The following CNTN5 variants were observed in gnomAD, a reference collection of about 807,000 sequenced individuals.
CNTN5 encodes contactin 5.
CNTN5 carries 77 observed loss-of-function variants against 129.1 expected under a neutral mutation model. The ratio of observed to expected loss-of-function variants is 0.60; its 90% CI spans 0.50 to 0.72. The LOEUF (loss-of-function observed/expected upper bound fraction) is 0.72, where lower values mean the gene tolerates loss of function less well. CNTN5 is among the 30% of genes least tolerant of loss of function. The pLI is 0.00. For synonymous variants in CNTN5, 509 were observed against 465.6 expected, an observed-to-expected ratio of 1.09 and a Z score of -1.20; for missense variants, 1,478 against 1,328.8, an observed-to-expected ratio of 1.11 and a Z score of -1.75.
In CNTN5 at chr11:99,133,881, A is replaced by G. The variant is rs186196563; in HGVS notation, c.-210+112611A>G. ...TCAAATATTTAGAACTGGAAATACC[A>G]TTTGACCCAGCAATCCCATTAGTGG... is the stretch of plus-strand genomic sequence containing the variant. On this transcript the variant is annotated intron_variant, in intron 1 of 24. Transcript: ENST00000524871. Among the ~76,000 whole-genome samples, 1,286 of 152,308 alleles carry G rather than the reference A, an allele frequency of 8.4e-3. 22 individuals are homozygous for G. Among genetic ancestry groups the G allele is most frequent in the African/African-American group, 0.029 (1,194 of 41,568 alleles).
intron 18 of CNTN5, among the ~76,000 whole-genome samples, chr11:100,273,652 C>T (rs533854055): frequency 1.3e-5 from 2 of 152,290 alleles, no homozygotes; most frequent in South Asian, 2.1e-4. Flanking sequence ...TCATCAGGCA[C>T]CCGCTACCAC....
chr11:99,381,207 A>G (rs1940538366), intron 2 of CNTN5, among the ~76,000 whole-genome samples: 2 of 152,192 alleles, frequency 1.3e-5, no homozygotes, highest in African/African-American at 2.4e-5. Flanking sequence ...AAGTGCTACA[A>G]TATAAAATTC....
At position 100,356,172 on chromosome 11, in the gene CNTN5, A is replaced by G. The variant is rs1348858064; in HGVS notation, c.3255A>G (p.Ser1085=). The G allele has an allele frequency of 3.1e-6, 5 of 1,610,786 alleles. No individual in the cohort carries two copies. The highest frequency in any genetic ancestry group is 1.7e-4 in the Middle Eastern group (1 of 6,050). Residue 1085 remains serine (S), a synonymous_variant, in exon 25 of 25, where the codon TCA becomes TCG. Coordinates refer to ENST00000524871, the MANE Select transcript of CNTN5 (RefSeq NM_014361.4). ...TTCACTCTCTCTCCACATCTTCGTC[A>G]TCAGTCACCTTGCTCTTGGCATTGA... The part of the protein sequence containing the change: ...STLHSLSTSS[S]SVTLLLALMI...
At chr11:99,511,448 G>C in intron 2 of CNTN5, among the ~76,000 whole-genome samples, 1 of 151,886 alleles carries the variant, frequency 6.6e-6, no homozygotes. Context: ...TTGCTGAGGA[G>C]AGCTTTACTT....
At chr11:100,161,414 T>G (rs1375136046) in intron 13 of CNTN5, among the ~76,000 whole-genome samples, 1 of 151,962 alleles carries the variant, frequency 6.6e-6, no homozygotes, top group Non-Finnish European at 1.5e-5. Flanking sequence ...TCTATTAATG[T>G]TCAGTAAAAC....
intron 23 of CNTN5, among the ~76,000 whole-genome samples, chr11:100,348,002 A>G (rs1565444000): frequency 6.6e-6 from 1 of 151,970 alleles, no homozygotes; most frequent in Non-Finnish European, 1.5e-5. Context: ...CAATACCACA[A>G]TCACTTTCTA....
intron 13 of CNTN5, among the ~76,000 whole-genome samples, chr11:100,108,927 G>A (rs548966035): frequency 1.3e-5 from 2 of 152,062 alleles, no homozygotes; most frequent in East Asian, 1.9e-4. Flanking sequence ...TAAAATTATC[G>A]TCTTGAGAGC....
intron 1 of CNTN5, among the ~76,000 whole-genome samples, chr11:99,077,276 C>T (rs1476176404): frequency 6.9e-6 from 1 of 145,980 alleles, no homozygotes; most frequent in African/African-American, 2.6e-5. Context: ...GGAGCAACAA[C>T]ATCAACAACA....
chr11:99,367,917 C>G (rs752742907), intron 2 of CNTN5, among the ~76,000 whole-genome samples: 1 of 152,110 alleles, frequency 6.6e-6, no homozygotes, highest in Non-Finnish European at 1.5e-5. Context: ...AAATAATGGA[C>G]TTGGCTTTTT....
At chr11:99,930,531 G>T (rs765392916) in intron 7 of CNTN5, among the ~76,000 whole-genome samples, 3 of 152,092 alleles carry the variant, frequency 2.0e-5, no homozygotes, top group African/African-American at 7.2e-5. Context: ...CCTGACAGTT[G>T]CCTGATATTC....
intron 9 of CNTN5, among the ~76,000 whole-genome samples, chr11:100,053,931 TAC>T (rs2137759064): frequency 6.6e-6 from 1 of 151,842 alleles, no homozygotes; most frequent in Non-Finnish European, 1.5e-5. Context: ...TTATAAATCT[TAC>T]ACAGAGAGAC....
chr11:99,464,763 A>T (rs889737488), intron 2 of CNTN5, among the ~76,000 whole-genome samples: 3 of 152,198 alleles, frequency 2.0e-5, no homozygotes, highest in Non-Finnish European at 4.4e-5. Context: ...TCCCCCAAAC[A>T]AAACAAATAA....
intron 3 of CNTN5, among the ~76,000 whole-genome samples, chr11:99,711,179 A>C: frequency 6.6e-6 from 1 of 151,926 alleles, no homozygotes; most frequent in East Asian, 1.9e-4. Context: ...ACCCTTTAAT[A>C]AACTTTTGTG....
rs145027986 is a variant in CNTN5, at chr11:99,894,426, T to C, written c.578-21628T>C. Among the ~76,000 whole-genome samples the C allele has an allele frequency of 9.4e-3, 1,422 of 151,010 alleles. 27 individuals carry two copies. The highest frequency in any genetic ancestry group is 0.033 in the African/African-American group (1,357 of 41,210). On this transcript the variant is annotated intron_variant, in intron 6 of 24. Transcript: ENST00000524871. ...AGTTTCAAATTTTATAGGTTTTTTTTTCACAAGCTATTTTTGTTTACCACC... is the reference window on the plus strand; with the variant it reads ...AGTTTCAAATTTTATAGGTTTTTTTCTCACAAGCTATTTTTGTTTACCACC...
In CNTN5 at chr11:100,094,758, AG is replaced by A; in HGVS notation, c.1580+20467del. On this transcript the variant is annotated intron_variant, in intron 13 of 24. Transcript: ENST00000524871. ...ACAGGGAAAGAAGAAGGAGGGAGGG[AG>A]GGAGGAAAGGAAGGAAGGAAGGAAG... Among the ~76,000 whole-genome samples the A allele has an allele frequency of 2.1e-5, 3 of 142,162 alleles. No individual in the cohort carries two copies. The Admixed American group carries it at 2.2e-4, about 10-fold the overall frequency. The allele number at this position is 142,162 out of a possible 152,430, so 93.3% of individuals were successfully genotyped here.
At chr11:99,905,478 T>A (rs1274498070) in intron 6 of CNTN5, among the ~76,000 whole-genome samples, 1 of 152,168 alleles carries the variant, frequency 6.6e-6, no homozygotes, top group Non-Finnish European at 1.5e-5. Context: ...TTGAGGCCTC[T>A]GTTGTGTTCC....
chr11:99,199,733 A>T lies in CNTN5; in HGVS notation c.-209-125613A>T, dbSNP rs141700416. On this transcript the variant is annotated intron_variant, in intron 1 of 24. Transcript: ENST00000524871. ...ACAGTATCCTTTCCTCCAATATTGCATTAGCCAAACAATTGGTTAGCTGAA... is the reference window on the plus strand; with the variant it reads ...ACAGTATCCTTTCCTCCAATATTGCTTTAGCCAAACAATTGGTTAGCTGAA... 1.3e-3 allele frequency among the ~76,000 whole-genome samples: 197 copies of T among 152,312 alleles called. 1 individual carries two copies. Among genetic ancestry groups the T allele is most frequent in the African/African-American group, 4.4e-3 (184 of 41,562 alleles).
chr11:100,009,999 A>G (rs1377570), intron 9 of CNTN5, among the ~76,000 whole-genome samples: 9,263 of 151,818 alleles, frequency 0.061, 537 homozygotes, highest in East Asian at 0.32. Flanking sequence ...CAATCTAGGG[A>G]CCTTAATGGA....
intron 1 of CNTN5, among the ~76,000 whole-genome samples, chr11:99,270,234 A>G (rs61893124): frequency 0.041 from 6,218 of 151,950 alleles, 251 homozygotes; most frequent in East Asian, 0.19. Context: ...TAATACATGT[A>G]TTAAGTAATT....
Sources: gnomAD v4.1 joint callset for allele counts (sites outside exome capture counted in the v4.1 genomes callset) on GRCh38, gnomAD v4.1.1 for gene constraint, MANE v1.5 for transcripts, NCBI Gene and HGNC (gene_info 2026-07-23, HGNC 2026-07-21) for gene names.